The following PRLR variants were observed in gnomAD, a reference collection of about 807,000 sequenced individuals.
The protein encoded by PRLR is hPRL receptor.
A neutral mutation model predicts 40.2 loss-of-function variants in PRLR; 13 were observed. That is an observed-to-expected ratio of 0.32 (90% CI 0.21 to 0.51). The LOEUF (loss-of-function observed/expected upper bound fraction) is 0.51, where lower values mean the gene tolerates loss of function less well. PRLR is among the 20% of genes least tolerant of loss of function. The pLI is 0.97. For synonymous variants in PRLR, 269 were observed against 278.7 expected (o/e 0.97, Z 0.35); for missense variants, 656 against 747.3 (o/e 0.88, Z 1.42).
In PRLR at chr5:35,064,051, T is replaced by G. The variant is rs1769199544; in HGVS notation, c.*1038A>C. ...CTCCACAAACGGGAACTTTATATAC[T>G]ACTATGTACTGTAAATACACATTAT... On this transcript the variant is annotated 3_prime_UTR_variant, in exon 10 of 10. Coordinates refer to ENST00000618457, the MANE Select transcript of PRLR (RefSeq NM_000949.7). 1.3e-5 allele frequency: 2 copies of G among 152,238 alleles called. No homozygotes were observed. Among genetic ancestry groups the G allele is most frequent in the South Asian group, 4.1e-4 (2 of 4,836 alleles). 9.4% of individuals were successfully genotyped at this position (152,238 alleles called of 1,614,324 possible). A position where few individuals can be genotyped will look rare whatever the true frequency, so the allele number is the denominator to read the frequency against.
chr5:35,049,610 A>T (rs1388615044), intron 8 of PRLR, among the ~76,000 whole-genome samples: 1 of 152,240 alleles, frequency 6.6e-6, no homozygotes, highest in Non-Finnish European at 1.5e-5. Flanking sequence ...TATTTCAGTA[A>T]ATTTCCTTTC....
chr5:35,095,450 AG>A (rs1771473622), intron 2 of PRLR, among the ~76,000 whole-genome samples: 1 of 152,350 alleles, frequency 6.6e-6, no homozygotes, highest in African/African-American at 2.4e-5. Context: ...GGGAATCTAA[AG>A]AAGTTTTAAG....
At chr5:35,076,978 T>C (rs989096171) in intron 5 of PRLR, among the ~76,000 whole-genome samples, 2 of 152,174 alleles carry the variant, frequency 1.3e-5, no homozygotes, top group Non-Finnish European at 2.9e-5. Flanking sequence ...TAAAATACTT[T>C]ACAGACAAGC....
chr5:35,090,853 C>A (rs1044420810), intron 2 of PRLR, among the ~76,000 whole-genome samples: 2 of 134,560 alleles, frequency 1.5e-5, no homozygotes, highest in Non-Finnish European at 3.1e-5. Context: ...CTCTTTCGCC[C>A]AGGCTGGAGT....
intron 1 of PRLR, among the ~76,000 whole-genome samples, chr5:35,227,087 G>C (rs1776572721): frequency 6.6e-6 from 1 of 152,206 alleles, no homozygotes; most frequent in Non-Finnish European, 1.5e-5. Flanking sequence ...TGCTAATGTT[G>C]GATATTGCCA....
At chr5:35,139,912 G>A (rs1253081264) in intron 1 of PRLR, among the ~76,000 whole-genome samples, 1 of 139,318 alleles carries the variant, frequency 7.2e-6, no homozygotes, top group Non-Finnish European at 1.5e-5. Context: ...AAAAAATATA[G>A]ATGTTAAAAT....
At chr5:35,115,420 G>A (rs1015739573) in intron 2 of PRLR, among the ~76,000 whole-genome samples, 2 of 152,184 alleles carry the variant, frequency 1.3e-5, no homozygotes, top group African/African-American at 4.8e-5. Context: ...AGTCAAAGCA[G>A]AAACTCAAAT....
downstream of PRLR, among the ~76,000 whole-genome samples, chr5:35,054,459 C>A (rs1159888354): frequency 6.6e-6 from 1 of 151,894 alleles, no homozygotes; most frequent in African/African-American, 2.4e-5. Flanking sequence ...CAGTGGTATA[C>A]ACACAACTTT....
intron 2 of PRLR, among the ~76,000 whole-genome samples, chr5:35,102,794 C>T (rs1001509122): frequency 4.6e-5 from 7 of 152,220 alleles, no homozygotes; most frequent in South Asian, 2.1e-4. Context: ...CCACCTGCCT[C>T]GGCCTCCCAA....
At chr5:35,048,871 A>T (rs570778642) in exon 9 of PRLR, 6 of 320,946 alleles carry the variant, frequency 1.9e-5, no homozygotes, top group South Asian at 1.6e-4. Context: ...TAAGGGGGAC[A>T]GTGACAAAGC....
intron 1 of PRLR, among the ~76,000 whole-genome samples, chr5:35,171,318 A>AT (rs35270091): frequency 0.13 from 20,201 of 152,134 alleles, 1,549 homozygotes; most frequent in African/African-American, 0.21. Flanking sequence ...ATTCATTTCC[A>AT]GAGAAATTTA....
At chr5:35,221,775 T>C (rs183036560) in intron 1 of PRLR, among the ~76,000 whole-genome samples, 1 of 152,340 alleles carries the variant, frequency 6.6e-6, no homozygotes, top group Admixed American at 6.5e-5. Context: ...CTTTTTGCTA[T>C]TGCTAAAGCT....
chr5:35,164,892 T>C (rs1579752921), intron 1 of PRLR, among the ~76,000 whole-genome samples: 1 of 152,220 alleles, frequency 6.6e-6, no homozygotes, highest in South Asian at 2.1e-4. Context: ...GATTTGCTAA[T>C]AAGATTTGAT....
At chr5:35,107,122 G>T (rs779330760) in intron 2 of PRLR, among the ~76,000 whole-genome samples, 2 of 152,224 alleles carry the variant, frequency 1.3e-5, no homozygotes, top group African/African-American at 2.4e-5. Context: ...GCTCCTGAAT[G>T]ACTACTGGGT....
chr5:35,126,338 C>A (rs1159938626), intron 1 of PRLR, among the ~76,000 whole-genome samples: 2 of 152,206 alleles, frequency 1.3e-5, no homozygotes, highest in African/African-American at 4.8e-5. Flanking sequence ...TAGCATTGAG[C>A]AAATAATGTG....
chr5:35,194,964 C>T (rs1437227703), intron 1 of PRLR: 1 of 152,176 alleles, frequency 6.6e-6, no homozygotes, highest in African/African-American at 2.4e-5. Context: ...ACCACACGAA[C>T]ATAAGATGTT....
intron 2 of PRLR, among the ~76,000 whole-genome samples, chr5:35,111,011 C>A (rs1772629811): frequency 6.6e-6 from 1 of 152,170 alleles, no homozygotes; most frequent in Non-Finnish European, 1.5e-5. Context: ...CCATCCCAGG[C>A]TAGTAGCTCA....
intron 1 of PRLR, among the ~76,000 whole-genome samples, chr5:35,197,515 T>C (rs1315103236): frequency 1.3e-5 from 2 of 152,224 alleles, no homozygotes; most frequent in East Asian, 3.9e-4. Flanking sequence ...ATGTCATTCT[T>C]GCTGGATTTG....
At chr5:35,126,729 G>C (rs897735386) in intron 1 of PRLR, among the ~76,000 whole-genome samples, 1 of 152,084 alleles carries the variant, frequency 6.6e-6, no homozygotes, top group Non-Finnish European at 1.5e-5. Flanking sequence ...TACCTTTTTG[G>C]ATGATTGTGA....
Sources: gnomAD v4.1 joint callset for allele counts (sites outside exome capture counted in the v4.1 genomes callset) on GRCh38, gnomAD v4.1.1 for gene constraint, MANE v1.5 for transcripts, NCBI Gene and HGNC (gene_info 2026-07-23, HGNC 2026-07-21) for gene names.